Variants in RFX7 observed in about 807,000 individuals in gnomAD.
RFX7 encodes the protein DNA-binding protein RFX7.
RFX7 carries 26 observed loss-of-function variants against 111.8 expected under a neutral mutation model. That is an observed-to-expected ratio of 0.23 (90% CI 0.17 to 0.32). The LOEUF is 0.32. Among genes scored for constraint, RFX7 ranks in the 10% least tolerant of loss-of-function variants. The pLI is 1.00. For synonymous variants in RFX7, 624 were observed against 624.4 expected (o/e 1.00, Z 0.01); for missense variants, 1,573 against 1,772.9 (o/e 0.89, Z 2.02).
Position 56,095,842 on chromosome 15 carries a change from T to A in RFX7, c.1886A>T (p.Gln629Leu), listed in dbSNP as rs771073804. ...GCTGCTGCTGGTGAAAGTTAAGTTC[T>A]GAGAAGCAACTGATAGAGTGATAGT... is the stretch of plus-strand genomic sequence containing the variant. ...QSTITLSVAS[Q>L]NLTFTSSSSP... is the part of the protein sequence containing the mutation. Residue 629 changes from glutamine to leucine, a missense_variant, in exon 10 of 10, where the codon CAG becomes CTG. Physicochemically the swap from Gln to Leu is moderately radical, Grantham distance 113 (BLOSUM62 -2). Transcript: ENST00000559447. 1.9e-5 allele frequency: 31 copies of A among 1,608,398 alleles called. No individual in the cohort carries two copies. The highest frequency in any genetic ancestry group is 2.5e-5 in the Non-Finnish European group (29 of 1,179,842).
intron 2 of RFX7, among the ~76,000 whole-genome samples, chr15:56,213,280 A>T (rs2043330693): frequency 1.3e-5 from 2 of 152,304 alleles, no homozygotes; most frequent in Admixed American, 6.5e-5. Context: ...CCAAAACTGG[A>T]ATCAATCCAT....
At chr15:56,137,591 G>A (rs2042323279) in intron 5 of RFX7, among the ~76,000 whole-genome samples, 1 of 152,008 alleles carries the variant, frequency 6.6e-6, no homozygotes, top group Non-Finnish European at 1.5e-5. Context: ...ATTTTTTGAA[G>A]GGTTTTTTGT....
At chr15:56,194,369 A>T (rs1472429200) in intron 2 of RFX7, among the ~76,000 whole-genome samples, 1 of 152,098 alleles carries the variant, frequency 6.6e-6, no homozygotes, top group African/African-American at 2.4e-5. Flanking sequence ...GAAATAGAGG[A>T]GGTATACTAT....
Position 56,151,432 on chromosome 15 carries a change from A to C in RFX7, c.196-6949T>G, listed in dbSNP as rs187500893. 5.3e-4 allele frequency among the ~76,000 whole-genome samples: 80 copies of C among 152,344 alleles called. 1 individual carries two copies. The East Asian group carries it at 0.014, about 26-fold the overall frequency. On this transcript the variant is annotated intron_variant, in intron 3 of 9. Transcript: ENST00000559447. ...ACATTCTTAAAGAAAAGAATTTTCAACCCAGAATTTCATATTCAGCCAAAC... is the reference window on the plus strand; with the variant it reads ...ACATTCTTAAAGAAAAGAATTTTCACCCCAGAATTTCATATTCAGCCAAAC...
intron 2 of RFX7, among the ~76,000 whole-genome samples, chr15:56,199,027 G>A (rs189395023): frequency 6.3e-4 from 96 of 152,064 alleles, no homozygotes; most frequent in African/African-American, 2.3e-3. Context: ...TAAAAGAGAG[G>A]AAGGACTTAG....
rs759438579 is a variant in RFX7, at chr15:56,095,602, G to A, written c.2126C>T (p.Thr709Ile). The change falls in exon 10 of 10, where the codon ACA becomes ATA. Residue 709 changes from threonine to isoleucine, a missense_variant. Around this residue, in one of 7 missense-constraint regions of RFX7, gnomAD observed 625 missense variants for 632.2 expected, o/e 0.99. Transcript: ENST00000559447. ...CTTGCTAGGAATCTGAGCACCTGCT[G>A]TTGAACCTTCTGTTTTCCCTGAATG... is the stretch of plus-strand genomic sequence containing the variant. ...VPHSGKTEGS[T>I]AGAQIPSKVS... The A allele has an allele frequency of 1.9e-6, 3 of 1,613,986 alleles. No individual in the cohort carries two copies. In the Admixed American group the frequency reaches 5.0e-5, roughly 27 times the overall value.
intron 5 of RFX7, among the ~76,000 whole-genome samples, chr15:56,118,824 G>A (rs2042040750): frequency 6.6e-6 from 1 of 152,188 alleles, no homozygotes; most frequent in Non-Finnish European, 1.5e-5. Context: ...AGTGTATGAA[G>A]GTTTCCTTTC....
intron 2 of RFX7, among the ~76,000 whole-genome samples, chr15:56,186,384 T>A (rs931332252): frequency 6.6e-6 from 1 of 152,200 alleles, no homozygotes; most frequent in Non-Finnish European, 1.5e-5. Flanking sequence ...TAGAAATTAG[T>A]TCCTGCTTAC....
At chr15:56,146,804 G>T (rs1273950911) in intron 3 of RFX7, among the ~76,000 whole-genome samples, 1 of 152,060 alleles carries the variant, frequency 6.6e-6, no homozygotes, top group Non-Finnish European at 1.5e-5. Context: ...ACACATAGAA[G>T]AAAAAATTTG....
chr15:56,146,736 T>A (rs1262529636), intron 3 of RFX7, among the ~76,000 whole-genome samples: 1 of 152,166 alleles, frequency 6.6e-6, no homozygotes, highest in African/African-American at 2.4e-5. Flanking sequence ...TAATTTTTTT[T>A]AAAACAATGA....
At chr15:56,133,920 T>C (rs1172559331) in intron 5 of RFX7, among the ~76,000 whole-genome samples, 1 of 152,184 alleles carries the variant, frequency 6.6e-6, no homozygotes, top group Non-Finnish European at 1.5e-5. Flanking sequence ...CATGTTGTTA[T>C]GCTGTGTCTC....
At chr15:56,140,968 A>AGTCATC (rs1225267326) in intron 5 of RFX7, among the ~76,000 whole-genome samples, 1 of 152,214 alleles carries the variant, frequency 6.6e-6, no homozygotes. Context: ...TGCAGATTAA[A>AGTCATC]GTCATCACTT....
At chr15:56,226,344 T>C (rs2718924) in intron 2 of RFX7, among the ~76,000 whole-genome samples, 97,058 of 151,976 alleles carry the variant, frequency 0.64, 31,242 homozygotes, top group East Asian at 0.86. Context: ...TCATGATTAA[T>C]TAAAAGAGTA....
At chr15:56,227,190 G>C (rs1385568594) in intron 2 of RFX7, among the ~76,000 whole-genome samples, 1 of 152,090 alleles carries the variant, frequency 6.6e-6, no homozygotes, top group Non-Finnish European at 1.5e-5. Context: ...CTCAACTTCA[G>C]TGTTACAACA....
At chr15:56,158,369 GTTA>G (rs1448109109) in intron 3 of RFX7, among the ~76,000 whole-genome samples, 1 of 152,258 alleles carries the variant, frequency 6.6e-6, no homozygotes, top group South Asian at 2.1e-4. Context: ...TTATGTAAAT[GTTA>G]TTATTTTAAA....
At chr15:56,120,164 C>G (rs1241965624) in intron 5 of RFX7, among the ~76,000 whole-genome samples, 1 of 152,082 alleles carries the variant, frequency 6.6e-6, no homozygotes, top group East Asian at 1.9e-4. Flanking sequence ...TTCTGTGTCC[C>G]CTTCAATTTC....
chr15:56,123,948 CTT>C (rs1261193021), intron 5 of RFX7, among the ~76,000 whole-genome samples: 1 of 152,146 alleles, frequency 6.6e-6, no homozygotes, highest in Middle Eastern at 3.2e-3. Context: ...CAATTCAAGA[CTT>C]TTTTTGTACC....
rs1391551640 is a variant in RFX7 at position 56,243,803 on chromosome 15, C to G, written c.-361G>C. On this transcript the variant is annotated 5_prime_UTR_variant, in exon 1 of 10. Coordinates refer to ENST00000559447, the MANE Select transcript of RFX7 (RefSeq NM_022841.7). ...ACTCCCCACGCCGCCGCCGCCGCCG[C>G]CGCTCGCTCCCGGCCCCGCCGCCGC... 2.2e-4 allele frequency among the ~76,000 whole-genome samples: 32 copies of G among 147,754 alleles called. No homozygotes were observed. The highest frequency in any genetic ancestry group is 7.8e-4 in the African/African-American group (32 of 40,962).
intron 3 of RFX7, among the ~76,000 whole-genome samples, chr15:56,160,195 A>G (rs1181007478): frequency 6.6e-6 from 1 of 152,154 alleles, no homozygotes; most frequent in African/African-American, 2.4e-5. Context: ...CATTATTTCC[A>G]GAATTAGCAG....
Sources: gnomAD v4.1 joint callset for allele counts (sites outside exome capture counted in the v4.1 genomes callset) on GRCh38, gnomAD v4.1.1 for gene constraint, gnomAD v4.1.1 regional missense constraint, MANE v1.5 for transcripts, NCBI Gene and HGNC (gene_info 2026-07-23, HGNC 2026-07-21) for gene names.